KLHL1: variants seen among roughly 807,000 people sequenced by gnomAD.
The protein encoded by KLHL1 is kelch like family member 1.
A neutral mutation model predicts 77.7 loss-of-function variants in KLHL1; 47 were observed. The observed-to-expected ratio is 0.60, with a 90% CI of 0.48 to 0.77. The LOEUF (loss-of-function observed/expected upper bound fraction) is 0.77, where lower values mean the gene tolerates loss of function less well. KLHL1 is among the 30% of genes least tolerant of loss of function. KLHL1 has a pLI of 0.00. For missense variants in KLHL1, 925 were observed against 910.8 expected (o/e 1.02, Z -0.20); for synonymous variants, 360 against 325.2 (o/e 1.11, Z -1.15).
At chr13:69,864,647 G>T (rs1342419084) in intron 5 of KLHL1, among the ~76,000 whole-genome samples, 3 of 152,152 alleles carry the variant, frequency 2.0e-5, no homozygotes, top group South Asian at 2.1e-4. Flanking sequence ...TACTAATAAA[G>T]TTCAGTCATC....
rs191887882 is a variant in KLHL1, at chr13:69,744,153, A to G, written c.1640-3597T>C. Among the ~76,000 whole-genome samples, 11 of 152,322 alleles carry G rather than the reference A, an allele frequency of 7.2e-5. No homozygotes were observed. In the East Asian group the frequency reaches 2.1e-3, roughly 29 times the overall value. On this transcript the variant is annotated intron_variant, in intron 7 of 10. Transcript: ENST00000377844. ...ATGAAGAGAGAATGTAACAGAGAAC[A>G]TAATCTAGCTTTAAGTAGCTCTAGT...
chr13:70,010,751 G>A (rs1052484392), intron 1 of KLHL1, among the ~76,000 whole-genome samples: 1 of 151,766 alleles, frequency 6.6e-6, no homozygotes, highest in South Asian at 2.1e-4. Flanking sequence ...AATTAGCTGG[G>A]TGTGGTGGTG....
At chr13:70,046,825 T>C (rs1211315691) in intron 1 of KLHL1, among the ~76,000 whole-genome samples, 1 of 152,134 alleles carries the variant, frequency 6.6e-6, no homozygotes, top group Middle Eastern at 3.2e-3. Context: ...TATGTGTTTA[T>C]ACCTTACCCC....
intron 6 of KLHL1, among the ~76,000 whole-genome samples, chr13:69,826,503 C>T (rs1878554574): frequency 6.6e-6 from 1 of 152,100 alleles, no homozygotes; most frequent in Non-Finnish European, 1.5e-5. Context: ...TCGCTTGAAC[C>T]TGGGAGGCAG....
chr13:69,945,628 A>T (rs1883502215), intron 3 of KLHL1, among the ~76,000 whole-genome samples: 2 of 152,214 alleles, frequency 1.3e-5, no homozygotes, highest in South Asian at 4.1e-4. Context: ...TTATACAGAC[A>T]TCCCACAAAA....
chr13:69,811,749 C>T (rs1877890926), intron 6 of KLHL1, among the ~76,000 whole-genome samples: 1 of 152,054 alleles, frequency 6.6e-6, no homozygotes, highest in Non-Finnish European at 1.5e-5. Context: ...TCAAAAGACC[C>T]TAGACTTATC....
intron 1 of KLHL1, among the ~76,000 whole-genome samples, chr13:70,030,564 T>C (rs961218699): frequency 2.6e-5 from 4 of 152,084 alleles, no homozygotes; most frequent in Non-Finnish European, 2.9e-5. Flanking sequence ...AGACACAACA[T>C]ACCAGAACCT....
At chr13:69,925,977 A>G (rs1473851074) in intron 4 of KLHL1, among the ~76,000 whole-genome samples, 1 of 152,246 alleles carries the variant, frequency 6.6e-6, no homozygotes, top group Non-Finnish European at 1.5e-5. Context: ...ACAATAATCA[A>G]ATACAATACA....
chr13:69,847,932 C>A (rs1472961392), intron 5 of KLHL1, among the ~76,000 whole-genome samples: 1 of 151,442 alleles, frequency 6.6e-6, no homozygotes, highest in African/African-American at 2.4e-5. Context: ...ATAAATATAT[C>A]TAATACAAAT....
intron 7 of KLHL1, among the ~76,000 whole-genome samples, chr13:69,787,334 A>G (rs1876607991): frequency 6.6e-6 from 1 of 152,186 alleles, no homozygotes; most frequent in African/African-American, 2.4e-5. Flanking sequence ...GGAACAGAAC[A>G]GAGCCCTCAG....
At chr13:69,733,862 G>A (rs1469948609) in intron 8 of KLHL1, among the ~76,000 whole-genome samples, 2 of 152,146 alleles carry the variant, frequency 1.3e-5, no homozygotes, top group African/African-American at 4.8e-5. Flanking sequence ...GCTAAAATGT[G>A]TATGTACATT....
At chr13:70,058,754 G>A (rs1886805553) in intron 1 of KLHL1, among the ~76,000 whole-genome samples, 3 of 152,174 alleles carry the variant, frequency 2.0e-5, no homozygotes. Context: ...AATAGCTAAA[G>A]TCATCCTAGG....
At chr13:69,765,375 A>T (rs1029718656) in intron 7 of KLHL1, among the ~76,000 whole-genome samples, 3 of 152,208 alleles carry the variant, frequency 2.0e-5, no homozygotes, top group Non-Finnish European at 4.4e-5. Context: ...GATATCTTAT[A>T]CAAAATATTA....
At chr13:70,042,092 C>A (rs1306738262) in intron 1 of KLHL1, among the ~76,000 whole-genome samples, 3 of 151,976 alleles carry the variant, frequency 2.0e-5, no homozygotes, top group Non-Finnish European at 4.4e-5. Flanking sequence ...CTTTTTTCCC[C>A]ACTTCTTGTT....
intron 1 of KLHL1, among the ~76,000 whole-genome samples, chr13:70,000,858 C>A (rs1885269974): frequency 3.6e-5 from 5 of 140,526 alleles, no homozygotes; most frequent in South Asian, 2.3e-4. Flanking sequence ...GTTCTAAAAT[C>A]AAATAAAAAG....
chr13:69,909,093 A>G (rs1315987190), intron 4 of KLHL1, among the ~76,000 whole-genome samples: 2 of 149,026 alleles, frequency 1.3e-5, no homozygotes, highest in Non-Finnish European at 3.0e-5. Context: ...TAAAATAAAT[A>G]TATATATATC....
intron 5 of KLHL1, among the ~76,000 whole-genome samples, chr13:69,846,330 G>A (rs74866647): frequency 0.045 from 6,877 of 151,494 alleles, 528 homozygotes; most frequent in African/African-American, 0.16. Context: ...TGCGTTATAG[G>A]GTAACCCAGT....
intron 3 of KLHL1, among the ~76,000 whole-genome samples, chr13:69,943,145 A>C (rs145714027): frequency 0.014 from 2,083 of 152,006 alleles, 80 homozygotes; most frequent in Admixed American, 0.077. Flanking sequence ...ACCCTGCTCC[A>C]TCATGATCAA....
intron 7 of KLHL1, among the ~76,000 whole-genome samples, chr13:69,790,581 TAA>T (rs567657765): frequency 1.3e-4 from 20 of 150,878 alleles, no homozygotes; most frequent in African/African-American, 3.9e-4. Context: ...CAGCAAAATA[TAA>T]AAAGAGTTCT....
Sources: allele counts gnomAD v4.1 joint callset (sites outside exome capture counted in the v4.1 genomes callset), GRCh38; gene constraint gnomAD v4.1.1; transcripts MANE v1.5; gene names NCBI Gene and HGNC (gene_info 2026-07-23, HGNC 2026-07-21).